The following LRCH1 variants were observed in gnomAD, a reference collection of about 807,000 sequenced individuals.
LRCH1 encodes the protein leucine-rich repeat and calponin homology domain-containing protein 1.
A neutral mutation model predicts 94.9 loss-of-function variants in LRCH1; 23 were observed. The observed-to-expected ratio is 0.24, with a 90% confidence interval of 0.17 to 0.34. LRCH1 has a LOEUF of 0.34. Ranked by LOEUF, LRCH1 falls within the 10% of genes least tolerant of loss-of-function variation. The pLI, the probability that LRCH1 is intolerant of heterozygous loss-of-function variation, is 1.00. For synonymous variants in LRCH1, 364 were observed against 354.9 expected (o/e 1.03, Z -0.29); for missense variants, 790 against 945.9 (o/e 0.84, Z 2.16).
At chr13:46,662,398 G>T (rs927654758) in intron 2 of LRCH1, among the ~76,000 whole-genome samples, 1 of 152,170 alleles carries the variant, frequency 6.6e-6, no homozygotes. Flanking sequence ...CATCTACATT[G>T]TTGCCTCTAA....
rs188355156 is a variant in LRCH1, at chr13:46,692,781, T to C, written c.1120+140T>C. The stretch of plus-strand genomic sequence containing the variant: ...CCAGGTACTGTGTTCTTCTGGGAAG[T>C]TGAGCTGATTTAAAATTTAAAAGTC... On this transcript the variant is annotated intron_variant, in intron 8 of 19. Coordinates refer to ENST00000389797, the MANE Select transcript of LRCH1 (RefSeq NM_001164211.2). The C allele has an allele frequency of 9.6e-6, 6 of 623,568 alleles. No individual in the cohort carries two copies. The East Asian group carries it at 1.2e-4, about 12-fold the overall frequency. 38.6% of individuals were successfully genotyped at this position (623,568 alleles called of 1,614,324 possible). A position where few individuals can be genotyped will look rare whatever the true frequency, so the allele number is the denominator to read the frequency against.
intron 1 of LRCH1, among the ~76,000 whole-genome samples, chr13:46,571,336 C>T (rs1482656558): frequency 6.6e-6 from 1 of 152,162 alleles, no homozygotes; most frequent in East Asian, 1.9e-4. Context: ...ATTGAGTGTG[C>T]TGTGTGCCAA....
At chr13:46,749,084 C>T (rs1265812554), downstream of LRCH1, among the ~76,000 whole-genome samples, 1 of 152,180 alleles carries the variant, frequency 6.6e-6, no homozygotes, top group Non-Finnish European at 1.5e-5. Flanking sequence ...GCAAGTGTCA[C>T]GTGGAAGGAA....
intron 16 of LRCH1, among the ~76,000 whole-genome samples, chr13:46,716,891 T>C (rs1479654077): frequency 7.0e-6 from 1 of 142,460 alleles, no homozygotes; most frequent in East Asian, 2.0e-4. Flanking sequence ...ATAAACATTT[T>C]CTTTACTTAA....
chr13:46,687,613 A>G (rs1870690018), intron 5 of LRCH1, among the ~76,000 whole-genome samples: 1 of 152,180 alleles, frequency 6.6e-6, no homozygotes, highest in African/African-American at 2.4e-5. Context: ...AGAGTTTTAT[A>G]GTTTAATGCA....
At chr13:46,702,509 T>A (rs1468015083) in intron 11 of LRCH1, among the ~76,000 whole-genome samples, 1 of 151,770 alleles carries the variant, frequency 6.6e-6, no homozygotes, top group Non-Finnish European at 1.5e-5. Context: ...CTCAAAAAAA[T>A]AATAATAAAA....
chr13:46,594,707 A>G (rs1358650075), intron 1 of LRCH1, among the ~76,000 whole-genome samples: 1 of 152,206 alleles, frequency 6.6e-6, no homozygotes, highest in Non-Finnish European at 1.5e-5. Context: ...ATAAGTAGGA[A>G]CTGCTTCGCT....
intron 1 of LRCH1, among the ~76,000 whole-genome samples, chr13:46,555,389 T>A (rs1315600078): frequency 6.6e-6 from 1 of 152,262 alleles, no homozygotes; most frequent in Non-Finnish European, 1.5e-5. Context: ...GGCTTCATAG[T>A]TGTTCTACTT....
chr13:46,610,586 T>G (rs1413939764), intron 1 of LRCH1, among the ~76,000 whole-genome samples: 5 of 152,142 alleles, frequency 3.3e-5, no homozygotes, highest in African/African-American at 1.2e-4. Flanking sequence ...TGGTTTTTCA[T>G]TCCTGAGTTA....
At position 46,560,140 on chromosome 13, in the gene LRCH1, C is replaced by CATATATATAT. The variant is rs58876595; in HGVS notation, c.307+6446_307+6447insTATATATATA. On this transcript the variant is annotated intron_variant, in intron 1 of 19. Coordinates refer to ENST00000389797, the MANE Select transcript of LRCH1 (RefSeq NM_001164211.2). ...TTTTGTGTATACATTTCTGTTCCCC[C>CATATATATAT]ATATATATAGACTTTTTATATTTCA... is the stretch of plus-strand genomic sequence containing the variant. 2.2e-4 allele frequency among the ~76,000 whole-genome samples: 30 copies of CATATATATAT among 133,892 alleles called. 1 individual carries two copies. Among genetic ancestry groups the CATATATATAT allele is most frequent in the Admixed American group, 1.8e-3 (23 of 12,554 alleles). 87.8% of individuals were successfully genotyped at this position (133,892 alleles called of 152,430 possible).
In LRCH1 at chr13:46,743,374, G is replaced by A. The variant is rs74082611; in HGVS notation, c.*1526G>A. Reference sequence around the variant, plus strand: ...TTTACATGACAGTATCTTGAGTTATGTGAGTTTTTTTTCCTCCTGACTTTG... The same window carrying A: ...TTTACATGACAGTATCTTGAGTTATATGAGTTTTTTTTCCTCCTGACTTTG... On this transcript the variant is annotated 3_prime_UTR_variant, in exon 20 of 20. Coordinates refer to ENST00000389797, the MANE Select transcript of LRCH1 (RefSeq NM_001164211.2). 0.015 allele frequency: 14,550 copies of A among 985,670 alleles called. 1,432 individuals carry two copies. In the African/African-American group the frequency reaches 0.22, roughly 15 times the overall value. 61.1% of individuals were successfully genotyped at this position (985,670 alleles called of 1,614,324 possible).
chr13:46,681,669 GGA>G, intron 3 of LRCH1, 70 bp from the exon 4 acceptor site: 13 of 1,019,286 alleles, frequency 1.3e-5, no homozygotes, highest in Non-Finnish European at 1.9e-5. Flanking sequence ...AATTCCTTAA[GGA>G]GATTTCACAT....
rs982009543 is a variant in LRCH1 at position 46,742,644 on chromosome 13, C to T, written c.*796C>T. ...TCTTCTCTTGAGGCTCTTAGAAAAG[C>T]GTTTTCCAGAGAGATTTCTATTTTT... On this transcript the variant is annotated 3_prime_UTR_variant, in exon 20 of 20. Coordinates refer to ENST00000389797, the MANE Select transcript of LRCH1 (RefSeq NM_001164211.2). 2.1e-5 allele frequency: 21 copies of T among 985,258 alleles called. No individual in the cohort carries two copies. The African/African-American group carries it at 3.1e-4, about 15-fold the overall frequency. The allele number at this position is 985,258 out of a possible 1,614,324, so 61.0% of individuals were successfully genotyped here.
chr13:46,630,066 T>C (rs1212020514), intron 1 of LRCH1, among the ~76,000 whole-genome samples: 2 of 152,216 alleles, frequency 1.3e-5, no homozygotes, highest in Non-Finnish European at 2.9e-5. Flanking sequence ...AGTCTAACAA[T>C]TTTGATGTCA....
chr13:46,661,733 G>C (rs1305700642), intron 2 of LRCH1, among the ~76,000 whole-genome samples: 4 of 152,182 alleles, frequency 2.6e-5, no homozygotes, highest in Non-Finnish European at 5.9e-5. Context: ...AACATTTCTA[G>C]AAATAAATGG....
At chr13:46,573,051 T>A (rs2050258007) in intron 1 of LRCH1, among the ~76,000 whole-genome samples, 2 of 152,186 alleles carry the variant, frequency 1.3e-5, no homozygotes, top group Non-Finnish European at 2.9e-5. Context: ...GAATTGAAAA[T>A]GCAAGGAGTG....
chr13:46,690,981 A>T lies in LRCH1; in HGVS notation c.1015-1555A>T, dbSNP rs1006159026. Among the ~76,000 whole-genome samples, 7 of 152,348 alleles carry T rather than the reference A, an allele frequency of 4.6e-5. No homozygotes were observed. In the South Asian group the frequency reaches 1.5e-3, roughly 32 times the overall value. Reference sequence around the variant, plus strand: ...ACTGAGAGATTAAAAACATCTTTTTATCAAGATAAACAGGAAAGTGTGGAG... The same window carrying T: ...ACTGAGAGATTAAAAACATCTTTTTTTCAAGATAAACAGGAAAGTGTGGAG... On this transcript the variant is annotated intron_variant, in intron 7 of 19. Coordinates refer to ENST00000389797, the MANE Select transcript of LRCH1 (RefSeq NM_001164211.2).
intron 1 of LRCH1, among the ~76,000 whole-genome samples, chr13:46,582,149 C>CAAAAAAAAA (rs11387752): frequency 1.9e-5 from 2 of 104,558 alleles, no homozygotes. Context: ...GACTCCATCT[C>CAAAAAAAAA]AAAAAAAAAA....
intron 1 of LRCH1, among the ~76,000 whole-genome samples, chr13:46,625,172 T>TAAGTGTTTAG (rs2050930370): frequency 6.6e-6 from 1 of 152,258 alleles, no homozygotes; most frequent in Non-Finnish European, 1.5e-5. Context: ...AGGGGTAGCT[T>TAAGTGTTTAG]AAGTGTTTAC....
Sources: gnomAD v4.1 joint callset for allele counts (sites outside exome capture counted in the v4.1 genomes callset) on GRCh38, gnomAD v4.1.1 for gene constraint, MANE v1.5 for transcripts, NCBI Gene and HGNC (gene_info 2026-07-23, HGNC 2026-07-21) for gene names.